POU2F2: variants seen among roughly 807,000 people sequenced by gnomAD.
POU2F2 encodes the protein POU domain, class 2, transcription factor 2.
Under a neutral mutation model 63.5 loss-of-function variants are expected in POU2F2, and 14 were observed. That is an observed-to-expected ratio of 0.22 (90% confidence interval 0.15 to 0.34). POU2F2 has a LOEUF of 0.34. Ranked by LOEUF, POU2F2 falls within the 10% of genes least tolerant of loss-of-function variation. The pLI, the probability that POU2F2 is intolerant of heterozygous loss-of-function variation, is 1.00. For synonymous variants in POU2F2, 306 were observed against 348.6 expected (o/e 0.88, Z 1.36); for missense variants, 607 against 815.2 (o/e 0.74, Z 3.11).
chr19:42,155,148 T>C lies in POU2F2; in HGVS notation c.-9+5184A>G, dbSNP rs944704442. On this transcript the variant is annotated intron_variant, in intron 2 of 6. Coordinates refer to the POU2F2 transcript ENST00000524801. The surrounding 1 kb of genome is among the most constrained non-coding windows in gnomAD (Gnocchi z 4.2). Reference sequence around the variant, plus strand: ...TGCCTCAGCTGCAGCTGCCCCGCACTGTTTTTTCTTTCTCATTGTCCCCTG... The same window carrying C: ...TGCCTCAGCTGCAGCTGCCCCGCACCGTTTTTTCTTTCTCATTGTCCCCTG... 2.0e-5 allele frequency among the ~76,000 whole-genome samples: 3 copies of C among 152,336 alleles called. No homozygotes were observed. Among genetic ancestry groups the C allele is most frequent in the African/African-American group, 7.2e-5 (3 of 41,572 alleles).
At position 42,156,962 on chromosome 19, in the gene POU2F2, C is replaced by T. The variant is rs2034468911; in HGVS notation, c.-9+3370G>A. ...GTGTGTGAGCACCCTGGGGCACATG[C>T]CTGTTGCTTATGTCTGGGTTACCTC... On this transcript the variant is annotated intron_variant, in intron 2 of 6. Coordinates refer to the POU2F2 transcript ENST00000524801. This position sits in a 1 kb window ranked among gnomAD's most constrained non-coding sequence, Gnocchi z 4.1. 2 of 152,214 alleles carry T rather than the reference C, an allele frequency of 1.3e-5. No homozygotes were observed. Among genetic ancestry groups the T allele is most frequent in the African/African-American group, 4.8e-5 (2 of 41,444 alleles). 9.4% of individuals were successfully genotyped at this position (152,214 alleles called of 1,614,324 possible).
chr19:42,126,165 G>C (rs1189222178), intron 1 of POU2F2, among the ~76,000 whole-genome samples: 1 of 152,080 alleles, frequency 6.6e-6, no homozygotes, highest in Non-Finnish European at 1.5e-5. Flanking sequence ...AGAAGAGGGG[G>C]CGGGCGCGGT....
chr19:42,092,539 G>A lies in POU2F2; in HGVS notation c.1265-269C>T, dbSNP rs138789093. 3.3e-5 allele frequency among the ~76,000 whole-genome samples: 5 copies of A among 152,258 alleles called. No individual in the cohort carries two copies. The highest frequency in any genetic ancestry group is 3.9e-4 in the East Asian group (2 of 5,162). Reference sequence around the variant, plus strand: ...CCCTGCCCTGAACCACTTTTTTACCGACTAGAAACGGGGGTGCCCAGGAGA... The same window carrying A: ...CCCTGCCCTGAACCACTTTTTTACCAACTAGAAACGGGGGTGCCCAGGAGA... On this transcript the variant is annotated intron_variant, in intron 12 of 14. Transcript: ENST00000692977. The surrounding 1 kb of genome is among the most constrained non-coding windows in gnomAD (Gnocchi z 5.0).
In POU2F2 at chr19:42,194,860, G is replaced by T. The variant is rs146809145; in HGVS notation, c.-70+1523C>A. On this transcript the variant is annotated intron_variant, in intron 1 of 5. Coordinates refer to the POU2F2 transcript ENST00000532176. ...GAAAGGGAGGAAGGGAGGGAGGGAA[G>T]GTGGAAAGAAGGAAAAAAGGAAGGA... Among the ~76,000 whole-genome samples, 13 of 128,926 alleles carry T rather than the reference G, an allele frequency of 1.0e-4. No homozygotes were observed. The East Asian group carries it at 3.0e-3, about 29-fold the overall frequency. 84.6% of individuals were successfully genotyped at this position (128,926 alleles called of 152,430 possible). A position where few individuals can be genotyped will look rare whatever the true frequency, so the allele number is the denominator to read the frequency against.
Position 42,117,677 on chromosome 19 carries a change from GT to G in POU2F2, c.187-246del, listed in dbSNP as rs1211104371. Among the ~76,000 whole-genome samples, 4 of 152,014 alleles carry G rather than the reference GT, an allele frequency of 2.6e-5. No homozygotes were observed. Among genetic ancestry groups the G allele is most frequent in the Admixed American group, 6.6e-5 (1 of 15,250 alleles). On this transcript the variant is annotated intron_variant, in intron 4 of 14. Transcript: ENST00000692977. This position sits in a 1 kb window ranked among gnomAD's most constrained non-coding sequence, Gnocchi z 4.4. The stretch of plus-strand genomic sequence containing the variant: ...TCCCCTCCTGAGAGTCAGTTTTCCT[GT>G]CTGTAAAATGGAAAAGAGTGGCTGG...
intron 2 of POU2F2, among the ~76,000 whole-genome samples, chr19:42,159,404 G>C (rs1427259160): frequency 1.3e-5 from 2 of 152,082 alleles, no homozygotes; most frequent in Non-Finnish European, 2.9e-5. Context: ...GTGATTCCTG[G>C]TACAGCAAAG....
At chr19:42,188,792 A>C in intron 1 of POU2F2, among the ~76,000 whole-genome samples, 1 of 142,120 alleles carries the variant, frequency 7.0e-6, no homozygotes, top group South Asian at 2.3e-4. Context: ...AAGGAAAGGG[A>C]GAGGGAAAGA....
intron 1 of POU2F2, among the ~76,000 whole-genome samples, chr19:42,188,157 G>T (rs2035033357): frequency 6.6e-6 from 1 of 152,048 alleles, no homozygotes; most frequent in African/African-American, 2.4e-5. Flanking sequence ...TTGAGCTCAG[G>T]AGTTCGAGAC....
At chr19:42,173,980 C>G (rs1031308486) in intron 1 of POU2F2, among the ~76,000 whole-genome samples, 3 of 152,160 alleles carry the variant, frequency 2.0e-5, no homozygotes, top group Admixed American at 6.5e-5. Flanking sequence ...TGACATGGGA[C>G]GCTTTGTTAC....
intron 1 of POU2F2, chr19:42,123,250 C>T (rs2032856185): frequency 6.6e-6 from 1 of 152,494 alleles, no homozygotes; most frequent in African/African-American, 2.4e-5. Flanking sequence ...CTGAGCTTGT[C>T]CTCCAATCTA....
intron 1 of POU2F2, among the ~76,000 whole-genome samples, chr19:42,128,079 G>C (rs2033365352): frequency 6.6e-6 from 1 of 152,004 alleles, no homozygotes; most frequent in Admixed American, 6.6e-5. Flanking sequence ...TCTCTCTTCT[G>C]GGCTTCACTG....
chr19:42,106,972 G>T (rs959497389), intron 5 of POU2F2, among the ~76,000 whole-genome samples: 1 of 152,068 alleles, frequency 6.6e-6, no homozygotes, highest in Non-Finnish European at 1.5e-5. Context: ...GTGGCAGTAA[G>T]CTATGATCAC....
intron 1 of POU2F2, among the ~76,000 whole-genome samples, chr19:42,129,493 C>G (rs535103129): frequency 6.6e-6 from 1 of 152,304 alleles, no homozygotes; most frequent in South Asian, 2.1e-4. Context: ...CATTTCCCCC[C>G]GCCAGTTTTA....
chr19:42,189,993 C>T (rs1217744896), intron 1 of POU2F2, among the ~76,000 whole-genome samples: 1 of 152,208 alleles, frequency 6.6e-6, no homozygotes, highest in Non-Finnish European at 1.5e-5. Context: ...TCCCAAAGTG[C>T]TGGGATTACA....
chr19:42,151,381 C>T (rs2034348031), intron 2 of POU2F2, among the ~76,000 whole-genome samples: 1 of 152,080 alleles, frequency 6.6e-6, no homozygotes, highest in Non-Finnish European at 1.5e-5. Context: ...GATTCCTCAA[C>T]CTCTCGGAGG....
chr19:42,111,270 T>C (rs983079294), intron 5 of POU2F2, among the ~76,000 whole-genome samples: 2 of 152,054 alleles, frequency 1.3e-5, no homozygotes, highest in African/African-American at 4.8e-5. Flanking sequence ...TGGGCATGCA[T>C]CACCACACCT....
chr19:42,130,722 C>T (rs1009373212), intron 1 of POU2F2, among the ~76,000 whole-genome samples: 10 of 151,358 alleles, frequency 6.6e-5, no homozygotes, highest in South Asian at 2.1e-4. Flanking sequence ...CTCTCCTCAC[C>T]GCCTTTGCTT....
chr19:42,129,942 G>T (rs961565417), intron 1 of POU2F2, among the ~76,000 whole-genome samples: 1 of 152,202 alleles, frequency 6.6e-6, no homozygotes, highest in African/African-American at 2.4e-5. Flanking sequence ...CACAATACAA[G>T]AAACAGATGT....
In POU2F2 at chr19:42,092,242, C is replaced by A; in HGVS notation, c.1293G>T (p.Thr431=). 2 of 1,563,096 alleles carry A rather than the reference C, an allele frequency of 1.3e-6. No homozygotes were observed. Among genetic ancestry groups the A allele is most frequent in the Non-Finnish European group, 1.7e-6 (2 of 1,152,878 alleles). The change falls in exon 13 of 15, where the codon ACG becomes ACT. Residue 431 remains threonine (T), a synonymous_variant. Transcript: ENST00000692977. The surrounding 1 kb of genome is among the most constrained non-coding windows in gnomAD (Gnocchi z 5.0). Reference sequence around the variant, plus strand: ...CTCCAGCTGTCCGGCTGGGGTGGAGCGTCCCCACAGCTGAGGATAAGGTAG... The same window carrying A: ...CTCCAGCTGTCCGGCTGGGGTGGAGAGTCCCCACAGCTGAGGATAAGGTAG... ...TVTTLSSAVG[T]LHPSRTAGGG... is the part of the protein sequence containing the mutation.
Sources: allele counts gnomAD v4.1 joint callset (sites outside exome capture counted in the v4.1 genomes callset), GRCh38; gene constraint gnomAD v4.1.1; non-coding constraint Gnocchi (gnomAD v3.1); transcripts MANE v1.5; gene names NCBI Gene and HGNC (gene_info 2026-07-23, HGNC 2026-07-21).